FARP1: variants seen among roughly 807,000 people sequenced by gnomAD.
FARP1 encodes the protein FERM, ARH/RhoGEF and pleckstrin domain protein 1, also known as FERM, ARHGEF and pleckstrin domain-containing protein 1.
Under a neutral mutation model 128.8 loss-of-function variants are expected in FARP1, and 52 were observed. The observed-to-expected ratio is 0.40, with a 90% CI of 0.32 to 0.51. The LOEUF is 0.51. FARP1 is among the 20% of genes least tolerant of loss of function. The pLI is 0.45. For missense variants in FARP1, 1,333 were observed against 1,367.9 expected, an observed-to-expected ratio of 0.97 and a Z score of 0.40; for synonymous variants, 580 against 551.8, an observed-to-expected ratio of 1.05 and a Z score of -0.72.
chr13:98,408,244 A>G (rs913970709), intron 13 of FARP1, among the ~76,000 whole-genome samples: 1 of 151,570 alleles, frequency 6.6e-6, no homozygotes, highest in Non-Finnish European at 1.5e-5. Flanking sequence ...TGAGATACAG[A>G]TATTTGCAAA....
At chr13:98,162,921 CAGAG>C (rs1876986564) in intron 1 of FARP1, among the ~76,000 whole-genome samples, 1 of 152,114 alleles carries the variant, frequency 6.6e-6, no homozygotes, top group Admixed American at 6.5e-5. Flanking sequence ...GGCGATTTCT[CAGAG>C]AGCAAAAAAC....
At chr13:98,205,029 C>G (rs776665891) in intron 1 of FARP1, among the ~76,000 whole-genome samples, 2 of 151,944 alleles carry the variant, frequency 1.3e-5, no homozygotes, top group Non-Finnish European at 2.9e-5. Context: ...TGTTACAATT[C>G]TTTGAGGATG....
intron 13 of FARP1, chr13:98,398,027 G>A (rs1396139012): frequency 6.6e-6 from 1 of 151,968 alleles, no homozygotes; most frequent in Non-Finnish European, 1.5e-5. Flanking sequence ...GGCCTCACTG[G>A]GCTCATCACG....
chr13:98,333,257 A>T (rs1887588173), intron 2 of FARP1: 1 of 152,322 alleles, frequency 6.6e-6, no homozygotes, highest in Non-Finnish European at 1.5e-5. Flanking sequence ...TTTAATTTAG[A>T]TAAATTTTAG....
chr13:98,378,256 T>G (rs1308140777), intron 6 of FARP1, among the ~76,000 whole-genome samples: 2 of 152,220 alleles, frequency 1.3e-5, no homozygotes, highest in Non-Finnish European at 2.9e-5. Flanking sequence ...GGATTTAAAC[T>G]TTATCATTGA....
intron 2 of FARP1, among the ~76,000 whole-genome samples, chr13:98,311,710 C>G (rs1390039529): frequency 6.6e-6 from 1 of 152,114 alleles, no homozygotes. Context: ...AAAGTAAGAG[C>G]CTTTGAAATT....
At chr13:98,255,656 A>G (rs1883551204) in intron 2 of FARP1, among the ~76,000 whole-genome samples, 2 of 152,310 alleles carry the variant, frequency 1.3e-5, no homozygotes, top group South Asian at 4.1e-4. Context: ...AAGATGGAAA[A>G]TATATTTTGT....
chr13:98,344,141 A>G (rs1888082758), intron 3 of FARP1, among the ~76,000 whole-genome samples: 1 of 152,214 alleles, frequency 6.6e-6, no homozygotes, highest in African/African-American at 2.4e-5. Context: ...CTGTTAATGC[A>G]TTTAAAAGAG....
intron 2 of FARP1, among the ~76,000 whole-genome samples, chr13:98,233,390 C>T (rs1594301931): frequency 6.6e-6 from 1 of 151,740 alleles, no homozygotes; most frequent in East Asian, 1.9e-4. Context: ...CAGGCTCCCC[C>T]ACGTGAGAAC....
intron 17 of FARP1, among the ~76,000 whole-genome samples, chr13:98,429,337 C>T (rs774490999): frequency 6.6e-6 from 1 of 152,112 alleles, no homozygotes. Context: ...GTGGGTGGCT[C>T]AGGGTGAGTC....
At chr13:98,250,649 AGGCAGAG>A (rs1883279086) in intron 2 of FARP1, among the ~76,000 whole-genome samples, 1 of 150,362 alleles carries the variant, frequency 6.7e-6, no homozygotes. Flanking sequence ...TGAACCCGAG[AGGCAGAG>A]GTTGCAGTGA....
chr13:98,412,331 A>G (rs1447526840), intron 16 of FARP1, among the ~76,000 whole-genome samples: 2 of 152,218 alleles, frequency 1.3e-5, no homozygotes, highest in Non-Finnish European at 2.9e-5. Flanking sequence ...AATAGGGATT[A>G]TAAAGAGTAG....
At chr13:98,443,069 CAG>C (rs561851735) in intron 24 of FARP1, among the ~76,000 whole-genome samples, 17 of 152,352 alleles carry the variant, frequency 1.1e-4, no homozygotes, top group East Asian at 7.7e-4. Context: ...GGCACTGAGT[CAG>C]GGGCACGCTG....
rs956068099 is a variant in FARP1 at position 98,179,420 on chromosome 13, G to C, written c.-23-33800G>C. ...GTGGGGACATAGCCAAACCATATCA[G>C]TGTCCATAGGTCTTTTCTGCTGGGT... On this transcript the variant is annotated intron_variant, in intron 1 of 26. Transcript: ENST00000319562. Among the ~76,000 whole-genome samples the C allele has an allele frequency of 1.8e-4, 27 of 152,196 alleles. 1 individual carries two copies. The highest frequency in any genetic ancestry group is 2.4e-5 in the African/African-American group (1 of 41,456).
At chr13:98,218,913 G>A (rs1881257735) in intron 2 of FARP1, among the ~76,000 whole-genome samples, 1 of 152,226 alleles carries the variant, frequency 6.6e-6, no homozygotes, top group Admixed American at 6.5e-5. Flanking sequence ...GAGTTTGTAT[G>A]TCATAAAAGA....
intron 2 of FARP1, among the ~76,000 whole-genome samples, chr13:98,275,191 A>G (rs938312327): frequency 6.6e-6 from 1 of 152,108 alleles, no homozygotes; most frequent in African/African-American, 2.4e-5. Context: ...CTTAAACTCT[A>G]ATGTTACAGA....
At chr13:98,375,283 A>G (rs1889533535) in intron 5 of FARP1, among the ~76,000 whole-genome samples, 1 of 152,254 alleles carries the variant, frequency 6.6e-6, no homozygotes, top group Non-Finnish European at 1.5e-5. Context: ...TTTTTCACCC[A>G]TTGATAATCC....
In FARP1 at chr13:98,209,215, G is replaced by T. The variant is rs529035693; in HGVS notation, c.-23-4005G>T. On this transcript the variant is annotated intron_variant, in intron 1 of 26. Coordinates refer to ENST00000319562, the MANE Select transcript of FARP1 (RefSeq NM_005766.4). ...AGTAGAGACAGGGTTTCGCCGTGTT[G>T]TCCAGGATGGTCTCGATCTCCTGAC... Among the ~76,000 whole-genome samples the T allele has an allele frequency of 5.4e-3, 820 of 152,042 alleles. 6 individuals are homozygous for T. The highest frequency in any genetic ancestry group is 0.019 in the African/African-American group (771 of 41,514).
At chr13:98,264,888 A>G (rs779476337) in intron 2 of FARP1, among the ~76,000 whole-genome samples, 3 of 152,220 alleles carry the variant, frequency 2.0e-5, no homozygotes, top group African/African-American at 4.8e-5. Context: ...TATTCATTCT[A>G]TAGTCTCAGG....
Sources: allele counts gnomAD v4.1 joint callset (sites outside exome capture counted in the v4.1 genomes callset), GRCh38; gene constraint gnomAD v4.1.1; transcripts MANE v1.5; gene names NCBI Gene and HGNC (gene_info 2026-07-23, HGNC 2026-07-21).